PITPNM3: variants seen among roughly 807,000 people sequenced by gnomAD.
PITPNM3 encodes the protein PITPNM family member 3, also known as membrane-associated phosphatidylinositol transfer protein 3.
PITPNM3 carries 26 observed loss-of-function variants against 102.0 expected under a neutral mutation model. That is an observed-to-expected ratio of 0.25 (90% CI 0.19 to 0.35). The LOEUF (loss-of-function observed/expected upper bound fraction) is 0.35. Among genes scored for constraint, PITPNM3 ranks in the 10% least tolerant of loss-of-function variants. PITPNM3 has a pLI of 1.00. For missense variants in PITPNM3, 1,083 were observed against 1,346.1 expected, an observed-to-expected ratio of 0.80 and a Z score of 3.06; for synonymous variants, 578 against 558.6, an observed-to-expected ratio of 1.03 and a Z score of -0.49.
intron 4 of PITPNM3, among the ~76,000 whole-genome samples, chr17:6,488,362 TATCACCTCTAGAAAGCCGTCTTTG>T (rs1906224297): frequency 1.3e-5 from 2 of 152,240 alleles, no homozygotes; most frequent in South Asian, 4.1e-4. Context: ...GCTCAATGGC[TATCACCTCTAGAAAGCCGTCTTTG>T]ATCTATCTAG....
At chr17:6,549,362 C>A (rs1358131092) in intron 1 of PITPNM3, among the ~76,000 whole-genome samples, 14 of 152,250 alleles carry the variant, frequency 9.2e-5, no homozygotes, top group Admixed American at 7.8e-4. Context: ...AGGCTTCCAG[C>A]CTGGCCCAAT....
chr17:6,471,047 C>T, intron 12 of PITPNM3, 114 bp downstream of exon 12: 1 of 1,283,362 alleles, frequency 7.8e-7, no homozygotes, highest in South Asian at 1.3e-5. Context: ...CTTCCTTCAC[C>T]TTCTCCCTAT....
At chr17:6,466,611 G>T (rs529298842) in intron 14 of PITPNM3, among the ~76,000 whole-genome samples, 2 of 152,196 alleles carry the variant, frequency 1.3e-5, no homozygotes, top group African/African-American at 4.8e-5. Context: ...TGCTGAAGAT[G>T]CGGAGAAATC....
intron 4 of PITPNM3, among the ~76,000 whole-genome samples, chr17:6,499,987 T>C (rs1334550847): frequency 6.6e-6 from 1 of 152,218 alleles, no homozygotes; most frequent in Non-Finnish European, 1.5e-5. Flanking sequence ...TGCCTCGGTC[T>C]GCCAAAGTGC....
At chr17:6,550,666 G>A (rs948404878) in intron 1 of PITPNM3, among the ~76,000 whole-genome samples, 1 of 152,236 alleles carries the variant, frequency 6.6e-6, no homozygotes, top group African/African-American at 2.4e-5. Flanking sequence ...ATATGAAGAT[G>A]TATGTGAGAA....
At chr17:6,495,136 A>G (rs1906723639) in intron 4 of PITPNM3, among the ~76,000 whole-genome samples, 1 of 152,216 alleles carries the variant, frequency 6.6e-6, no homozygotes, top group Non-Finnish European at 1.5e-5. Context: ...ATGGAATCTA[A>G]GAAGCCAGTT....
At chr17:6,538,155 C>T (rs1349912025) in intron 1 of PITPNM3, 73 bp from the exon 2 acceptor site, 1 of 1,156,134 alleles carries the variant, frequency 8.6e-7, no homozygotes, top group East Asian at 2.4e-5. Context: ...CCCAAGACCC[C>T]CCTGGACTAA....
intron 3 of PITPNM3, among the ~76,000 whole-genome samples, chr17:6,515,939 G>C (rs181651699): frequency 8.6e-4 from 131 of 152,312 alleles, no homozygotes; most frequent in African/African-American, 3.0e-3. Flanking sequence ...CTAGCACTTT[G>C]AGAGGCTGAG....
At chr17:6,477,631 C>T (rs1389786320) in intron 8 of PITPNM3, among the ~76,000 whole-genome samples, 1 of 152,180 alleles carries the variant, frequency 6.6e-6, no homozygotes, top group Admixed American at 6.5e-5. Context: ...CTGCAAACTC[C>T]ACCTCCTGGG....
chr17:6,545,631 T>C (rs1197922809), intron 1 of PITPNM3, among the ~76,000 whole-genome samples: 1 of 152,056 alleles, frequency 6.6e-6, no homozygotes, highest in Non-Finnish European at 1.5e-5. Flanking sequence ...CTCCAGGCCT[T>C]TCCTCCTGCA....
chr17:6,545,949 C>T (rs1910000589), intron 1 of PITPNM3, among the ~76,000 whole-genome samples: 1 of 152,222 alleles, frequency 6.6e-6, no homozygotes, highest in Admixed American at 6.5e-5. Context: ...CTCAGTGTGG[C>T]CCAGCAGAGG....
chr17:6,501,114 C>G (rs1907141172), intron 4 of PITPNM3, among the ~76,000 whole-genome samples: 1 of 152,186 alleles, frequency 6.6e-6, no homozygotes, highest in Non-Finnish European at 1.5e-5. Context: ...CTGTGGAAAA[C>G]AGAGCTGTGG....
In PITPNM3 at chr17:6,478,729, G is replaced by C. The variant is rs1905477157; in HGVS notation, c.595C>G (p.Pro199Ala). Residue 199 changes from proline to alanine, a missense_variant, in exon 7 of 20, where the codon CCC becomes GCC. Transcript: ENST00000262483. This position sits in a 1 kb window ranked among gnomAD's most constrained non-coding sequence, Gnocchi z 4.4. ...AGGCAGCCCTCATCGTGGCTGTAGG[G>C]GTTCAGGCTGCAGACAGGGGGCCCA... ...EAFSLVSHLN[P>A]YSHDEGCLSS... The C allele has an allele frequency of 1.3e-6, 2 of 1,572,356 alleles. No individual in the cohort carries two copies. Among genetic ancestry groups the C allele is most frequent in the Non-Finnish European group, 1.7e-6 (2 of 1,159,310 alleles).
In PITPNM3 at chr17:6,458,593, C is replaced by T. The variant is rs112080243; in HGVS notation, c.2491-871G>A. Reference sequence around the variant, plus strand: ...CTCTAACTGTGAACTTCCACATGTCCGCTCCGCTCAGGGCTTCTGCCCCCT... The same window carrying T: ...CTCTAACTGTGAACTTCCACATGTCTGCTCCGCTCAGGGCTTCTGCCCCCT... On this transcript the variant is annotated intron_variant, in intron 18 of 19. Coordinates refer to ENST00000262483, the MANE Select transcript of PITPNM3 (RefSeq NM_031220.4). The surrounding 1 kb of genome is among the most constrained non-coding windows in gnomAD (Gnocchi z 5.1). 2.6e-4 allele frequency among the ~76,000 whole-genome samples: 39 copies of T among 152,230 alleles called. No individual in the cohort carries two copies. Among genetic ancestry groups the T allele is most frequent in the Admixed American group, 1.1e-3 (17 of 15,290 alleles).
At chr17:6,463,417 G>GGGAAGGAGGCAGGGAGGGAA (rs1904574992) in intron 17 of PITPNM3, among the ~76,000 whole-genome samples, 1 of 58,722 alleles carries the variant, frequency 1.7e-5, no homozygotes, top group Admixed American at 1.6e-4. Context: ...CACGAGTGCA[G>GGGAAGGAGGCAGGGAGGGAA]GGAGGGAGGC....
At position 6,470,552 on chromosome 17, in the gene PITPNM3, G is replaced by C. The variant is rs1296191116; in HGVS notation, c.1625-144C>G. On this transcript the variant is annotated intron_variant, in intron 12 of 19. Coordinates refer to ENST00000262483, the MANE Select transcript of PITPNM3 (RefSeq NM_031220.4). This position sits in a 1 kb window ranked among gnomAD's most constrained non-coding sequence, Gnocchi z 4.8. ...GCGGGAGCACCCTGGCCTGGAGGAG[G>C]CCTGGGGAACGCGCTGCTCTTCCTC... The C allele has an allele frequency of 6.5e-6, 7 of 1,074,374 alleles. No individual in the cohort carries two copies. Among genetic ancestry groups the C allele is most frequent in the African/African-American group, 4.6e-5 (3 of 65,106 alleles). The allele number at this position is 1,074,374 out of a possible 1,614,324, so 66.6% of individuals were successfully genotyped here.
rs567552821 is a variant in PITPNM3, at chr17:6,462,510, C to T, written c.2307-954G>A. On this transcript the variant is annotated intron_variant, in intron 17 of 19. Transcript: ENST00000262483. ...CACCATCTCCTGATATTCCCATCTT[C>T]CATCTTTCAAGACCCCCCTTCCTCC... Among the ~76,000 whole-genome samples, 318 of 152,324 alleles carry T rather than the reference C, an allele frequency of 2.1e-3. 1 individual carries two copies. Among genetic ancestry groups the T allele is most frequent in the Non-Finnish European group, 3.2e-3 (220 of 68,018 alleles).
In PITPNM3 at chr17:6,556,523, C is replaced by A; in HGVS notation, c.-117G>T. 1.5e-6 allele frequency: 1 copy of A among 670,428 alleles called. No individual in the cohort carries two copies. The highest frequency in any genetic ancestry group is 1.8e-6 in the Non-Finnish European group (1 of 542,734). 41.5% of individuals were successfully genotyped at this position (670,428 alleles called of 1,614,324 possible). The stretch of plus-strand genomic sequence containing the variant: ...GCGCCGCGCCCGCGCCCCCGCCCCG[C>A]TCGCCTCGGCTGCCGCCACCGCAGC... On this transcript the variant is annotated 5_prime_UTR_variant, in exon 1 of 20. Transcript: ENST00000262483. This position sits in a 1 kb window ranked among gnomAD's most constrained non-coding sequence, Gnocchi z 5.2.
At chr17:6,515,868 A>G (rs911881922) in intron 3 of PITPNM3, among the ~76,000 whole-genome samples, 1 of 152,206 alleles carries the variant, frequency 6.6e-6, no homozygotes, top group African/African-American at 2.4e-5. Context: ...AGATGATTTT[A>G]AAAAACAAAC....
Sources: gnomAD v4.1 joint callset for allele counts (sites outside exome capture counted in the v4.1 genomes callset) on GRCh38, gnomAD v4.1.1 for gene constraint, Gnocchi (gnomAD v3.1) non-coding constraint, MANE v1.5 for transcripts, NCBI Gene and HGNC (gene_info 2026-07-23, HGNC 2026-07-21) for gene names.